Variants in NTN1 observed in about 807,000 individuals in gnomAD.
NTN1 encodes the protein netrin-1.
NTN1 carries 11 observed loss-of-function variants against 54.2 expected under a neutral mutation model. The ratio of observed to expected loss-of-function variants is 0.20; its 90% confidence interval spans 0.13 to 0.34. The LOEUF is 0.34. Ranked by LOEUF, NTN1 falls within the 10% of genes least tolerant of loss-of-function variation. NTN1 has a pLI of 1.00. For missense variants in NTN1, 740 were observed against 893.1 expected, an observed-to-expected ratio of 0.83 and a Z score of 2.18; for synonymous variants, 371 against 382.0, an observed-to-expected ratio of 0.97 and a Z score of 0.33.
At chr17:9,192,731 C>A (rs149033666) in intron 5 of NTN1, among the ~76,000 whole-genome samples, 1 of 152,124 alleles carries the variant, frequency 6.6e-6, no homozygotes, top group Non-Finnish European at 1.5e-5. Flanking sequence ...GAGACAAACC[C>A]GGCTCTTTTA....
intron 2 of NTN1, among the ~76,000 whole-genome samples, chr17:9,111,198 A>C (rs1425234943): frequency 6.6e-6 from 1 of 152,116 alleles, no homozygotes; most frequent in Non-Finnish European, 1.5e-5. Flanking sequence ...GGCCTCCCAA[A>C]GTGCTGGGAT....
intron 2 of NTN1, among the ~76,000 whole-genome samples, chr17:9,137,101 A>C (rs2092283577): frequency 1.3e-5 from 2 of 152,094 alleles, no homozygotes; most frequent in Admixed American, 1.3e-4. Flanking sequence ...TCTATGCTTT[A>C]AGACCTGGCT....
chr17:9,087,791 G>C lies in NTN1; in HGVS notation c.1018+64400G>C, dbSNP rs1049812543. On this transcript the variant is annotated intron_variant, in intron 2 of 6. Coordinates refer to ENST00000173229, the MANE Select transcript of NTN1 (RefSeq NM_004822.3). Reference sequence around the variant, plus strand: ...GATTTGCCCAGTAGCTTTCACGAACGGCTTTCACATAAAGCCAGACTTGTG... The same window carrying C: ...GATTTGCCCAGTAGCTTTCACGAACCGCTTTCACATAAAGCCAGACTTGTG... Among the ~76,000 whole-genome samples the C allele has an allele frequency of 2.6e-5, 4 of 151,232 alleles. No homozygotes were observed. The South Asian group carries it at 8.3e-4, about 31-fold the overall frequency.
chr17:9,045,581 A>G (rs557501082), intron 2 of NTN1, among the ~76,000 whole-genome samples: 1 of 152,340 alleles, frequency 6.6e-6, no homozygotes, highest in South Asian at 2.1e-4. Context: ...TTCACAGAAT[A>G]CCAGAACCAT....
At chr17:9,074,661 C>T (rs1014363033) in intron 2 of NTN1, among the ~76,000 whole-genome samples, 2 of 152,188 alleles carry the variant, frequency 1.3e-5, no homozygotes, top group African/African-American at 2.4e-5. Context: ...TTACCAGCCC[C>T]GTGGGGAAGT....
intron 2 of NTN1, among the ~76,000 whole-genome samples, chr17:9,063,175 C>T (rs2092004329): frequency 6.7e-6 from 1 of 148,974 alleles, no homozygotes; most frequent in African/African-American, 2.6e-5. Flanking sequence ...TGGCTCACTG[C>T]AACCTCCACC....
intron 2 of NTN1, among the ~76,000 whole-genome samples, chr17:9,136,264 T>C (rs556583637): frequency 1.3e-5 from 2 of 152,342 alleles, no homozygotes; most frequent in East Asian, 3.9e-4. Context: ...TAGACGATAA[T>C]AACACTGTTA....
intron 6 of NTN1, among the ~76,000 whole-genome samples, chr17:9,227,183 C>T (rs953280304): frequency 3.3e-5 from 5 of 151,696 alleles, no homozygotes; most frequent in Non-Finnish European, 7.4e-5. Context: ...GCACACATAC[C>T]ACACACGCAT....
At chr17:9,183,025 G>T (rs1266796076) in intron 5 of NTN1, 56 bp downstream of exon 5, 2 of 1,576,782 alleles carry the variant, frequency 1.3e-6, no homozygotes, top group East Asian at 4.5e-5. Flanking sequence ...TGGGGTGGTG[G>T]GGTGGGTTAA....
At chr17:9,062,552 A>T (rs985520720) in intron 2 of NTN1, among the ~76,000 whole-genome samples, 1 of 152,124 alleles carries the variant, frequency 6.6e-6, no homozygotes, top group Admixed American at 6.5e-5. Flanking sequence ...ACCTTTAGCT[A>T]AGGAAAAAAA....
intron 2 of NTN1, among the ~76,000 whole-genome samples, chr17:9,098,093 A>G (rs4791777): frequency 0.72 from 109,643 of 152,132 alleles, 39,997 homozygotes; most frequent in East Asian, 0.96. Context: ...TACCGTTATC[A>G]TGACTGTAGA....
chr17:9,223,934 T>C (rs911084282), intron 6 of NTN1, among the ~76,000 whole-genome samples: 35 of 152,144 alleles, frequency 2.3e-4, no homozygotes, highest in Non-Finnish European at 2.8e-4. Flanking sequence ...GCTTGGGGAA[T>C]GGATTGTTTT....
intron 2 of NTN1, among the ~76,000 whole-genome samples, chr17:9,090,227 G>A (rs990685236): frequency 2.0e-5 from 3 of 150,708 alleles, no homozygotes; most frequent in African/African-American, 4.9e-5. Context: ...CCAGGCTGGA[G>A]TGCAGTGGCA....
chr17:9,179,662 G>T lies in NTN1; in HGVS notation c.1208-145G>T, dbSNP rs1336308128. On this transcript the variant is annotated intron_variant, in intron 3 of 6. Coordinates refer to ENST00000173229, the MANE Select transcript of NTN1 (RefSeq NM_004822.3). ...GCCAGTGTCAGAGCTTCCGGAGTGC[G>T]TTTGGGCTTGGCTGGGCCTGCTCCC... 2.9e-5 allele frequency: 30 copies of T among 1,025,002 alleles called. No individual in the cohort carries two copies. The Admixed American group carries it at 8.5e-4, about 29-fold the overall frequency. The allele number at this position is 1,025,002 out of a possible 1,614,324, so 63.5% of individuals were successfully genotyped here.
chr17:9,200,089 C>T (rs998909129), intron 5 of NTN1, among the ~76,000 whole-genome samples: 4 of 152,234 alleles, frequency 2.6e-5, no homozygotes, highest in Admixed American at 1.3e-4. Flanking sequence ...GCCGGGTGGA[C>T]GTTACAGGAC....
At chr17:9,054,993 T>C (rs2091974619) in intron 2 of NTN1, among the ~76,000 whole-genome samples, 1 of 152,048 alleles carries the variant, frequency 6.6e-6, no homozygotes, top group Non-Finnish European at 1.5e-5. Flanking sequence ...AAAAGAGGAA[T>C]AGGGTACACA....
chr17:9,159,796 A>G (rs1456047536), intron 2 of NTN1, among the ~76,000 whole-genome samples: 1 of 151,980 alleles, frequency 6.6e-6, no homozygotes, highest in Non-Finnish European at 1.5e-5. Context: ...ACGAGACTCC[A>G]TCTCAAATAA....
Position 9,221,153 on chromosome 17 carries a change from C to CT in NTN1, c.1412-15_1412-14insT, listed in dbSNP as rs757559793. On this transcript the variant is annotated splice_polypyrimidine_tract_variant and intron_variant, in intron 5 of 6. Coordinates refer to ENST00000173229, the MANE Select transcript of NTN1 (RefSeq NM_004822.3). This position sits in a 1 kb window ranked among gnomAD's most constrained non-coding sequence, Gnocchi z 4.5. ...AATTAGTTTTTGTCTGTGCTCCCCC[C>CT]CCACCCCCCTGCAGACTGCGATTCC... 1.9e-6 allele frequency: 3 copies of CT among 1,553,602 alleles called. No homozygotes were observed. The highest frequency in any genetic ancestry group is 2.9e-5 in the African/African-American group (2 of 69,320).
intron 2 of NTN1, among the ~76,000 whole-genome samples, chr17:9,081,330 AC>A (rs750284735): frequency 2.0e-5 from 3 of 152,124 alleles, no homozygotes; most frequent in Non-Finnish European, 4.4e-5. Context: ...AATGACTGAA[AC>A]GTACTTCCTC....
Sources: allele counts gnomAD v4.1 joint callset (sites outside exome capture counted in the v4.1 genomes callset), GRCh38; gene constraint gnomAD v4.1.1; non-coding constraint Gnocchi (gnomAD v3.1); transcripts MANE v1.5; gene names NCBI Gene and HGNC (gene_info 2026-07-23, HGNC 2026-07-21).